Variants in SLC39A11 observed in about 807,000 individuals in gnomAD.
SLC39A11 encodes the protein solute carrier family 39 member 11, also known as zinc transporter ZIP11.
SLC39A11 carries 33 observed loss-of-function variants against 36.1 expected under a neutral mutation model. The ratio of observed to expected loss-of-function variants is 0.91; its 90% CI spans 0.69 to 1.22. The LOEUF is 1.22. Among genes scored for constraint, SLC39A11 ranks in the 50% most tolerant of loss-of-function variants. The pLI is 0.00. For synonymous variants in SLC39A11, 166 were observed against 170.3 expected (o/e 0.97, Z 0.20); for missense variants, 432 against 430.3 (o/e 1.00, Z -0.03).
chr17:72,676,115 A>C (rs1336955729), intron 7 of SLC39A11, among the ~76,000 whole-genome samples: 1 of 149,940 alleles, frequency 6.7e-6, no homozygotes, highest in Non-Finnish European at 1.5e-5. Flanking sequence ...TGCTGTATTA[A>C]AGCAACTCTC....
chr17:72,836,614 T>A (rs1166084516), intron 6 of SLC39A11, among the ~76,000 whole-genome samples: 2 of 152,194 alleles, frequency 1.3e-5, no homozygotes, highest in African/African-American at 2.4e-5. Context: ...GTGCTGAAAT[T>A]ACAGGTGTGA....
intron 3 of SLC39A11, among the ~76,000 whole-genome samples, chr17:73,052,981 A>C (rs1383722541): frequency 6.6e-6 from 1 of 152,228 alleles, no homozygotes; most frequent in African/African-American, 2.4e-5. Context: ...GATTATAGGC[A>C]TGAGCCACTG....
At chr17:73,053,742 C>T (rs1034825923) in intron 3 of SLC39A11, among the ~76,000 whole-genome samples, 24 of 152,176 alleles carry the variant, frequency 1.6e-4, no homozygotes, top group Admixed American at 4.6e-4. Context: ...GGCTCCAGCC[C>T]ATGGTGCCGA....
chr17:73,051,379 A>C (rs2059493002), intron 3 of SLC39A11, among the ~76,000 whole-genome samples: 1 of 152,166 alleles, frequency 6.6e-6, no homozygotes, highest in African/African-American at 2.4e-5. Flanking sequence ...TCACATTCAC[A>C]GGTTCTGTGC....
chr17:72,999,394 A>G (rs894667919), intron 4 of SLC39A11, among the ~76,000 whole-genome samples: 1 of 152,224 alleles, frequency 6.6e-6, no homozygotes, highest in Non-Finnish European at 1.5e-5. Context: ...CTGGGCTCAA[A>G]GAGGCCCTTT....
At chr17:73,035,885 AAAG>A (rs2058896395) in intron 3 of SLC39A11, among the ~76,000 whole-genome samples, 1 of 150,754 alleles carries the variant, frequency 6.6e-6, no homozygotes, top group African/African-American at 2.4e-5. Context: ...AAAAAAAAAA[AAAG>A]AAGGGTCAGA....
At chr17:72,703,852 G>A (rs1166738852) in intron 7 of SLC39A11, among the ~76,000 whole-genome samples, 6 of 152,234 alleles carry the variant, frequency 3.9e-5, no homozygotes, top group Non-Finnish European at 7.3e-5. Flanking sequence ...TGTTGGCCGG[G>A]GGTGGTGGCT....
intron 7 of SLC39A11, among the ~76,000 whole-genome samples, chr17:72,722,773 T>A (rs149911215): frequency 0.013 from 1,913 of 152,224 alleles, 29 homozygotes; most frequent in African/African-American, 0.043. Flanking sequence ...TAGCTGGGAT[T>A]ACAGGTGCCT....
intron 5 of SLC39A11, among the ~76,000 whole-genome samples, chr17:72,929,811 A>T (rs1469560697): frequency 6.6e-6 from 1 of 152,170 alleles, no homozygotes; most frequent in Non-Finnish European, 1.5e-5. Context: ...AGAACTGCCA[A>T]TTGGTTCTAA....
intron 5 of SLC39A11, among the ~76,000 whole-genome samples, chr17:72,899,930 C>T (rs2082233271): frequency 6.8e-6 from 1 of 147,318 alleles, no homozygotes; most frequent in Non-Finnish European, 1.5e-5. Context: ...CCACTATATT[C>T]CAGCCTGGGT....
chr17:73,010,424 A>G (rs915095666), intron 4 of SLC39A11, among the ~76,000 whole-genome samples: 1 of 152,218 alleles, frequency 6.6e-6, no homozygotes. Flanking sequence ...ATAACCCAGT[A>G]ACTAAACAAA....
chr17:73,052,107 G>A (rs1473362777), intron 3 of SLC39A11, among the ~76,000 whole-genome samples: 1 of 151,754 alleles, frequency 6.6e-6, no homozygotes, highest in Non-Finnish European at 1.5e-5. Flanking sequence ...TCTAATACAA[G>A]GTGCCCCGTT....
At chr17:72,767,858 G>A (rs1327015731) in intron 6 of SLC39A11, among the ~76,000 whole-genome samples, 1 of 147,838 alleles carries the variant, frequency 6.8e-6, no homozygotes, top group Non-Finnish European at 1.5e-5. Flanking sequence ...CAAAGCATTG[G>A]AGTAAGAAAG....
intron 6 of SLC39A11, among the ~76,000 whole-genome samples, chr17:72,843,567 C>G (rs369870191): frequency 6.6e-6 from 1 of 152,138 alleles, no homozygotes; most frequent in African/African-American, 2.4e-5. Context: ...AACGAGAAGA[C>G]AGTCACCTGC....
intron 6 of SLC39A11, among the ~76,000 whole-genome samples, chr17:72,780,143 G>A (rs2076261117): frequency 6.6e-6 from 1 of 152,172 alleles, no homozygotes; most frequent in South Asian, 2.1e-4. Context: ...GGCAGTCTGT[G>A]GACTAAGCAT....
At chr17:73,078,422 G>C (rs1425576999) in intron 3 of SLC39A11, among the ~76,000 whole-genome samples, 4 of 152,008 alleles carry the variant, frequency 2.6e-5, no homozygotes, top group Non-Finnish European at 5.9e-5. Context: ...TAAGGAGGTA[G>C]GTAGGTAGCT....
Position 72,974,522 on chromosome 17 carries a change from C to G in SLC39A11, c.307-26647G>C, listed in dbSNP as rs569823414. Among the ~76,000 whole-genome samples, 3 of 151,644 alleles carry G rather than the reference C, an allele frequency of 2.0e-5. No homozygotes were observed. In the South Asian group the frequency reaches 6.3e-4, roughly 32 times the overall value. On this transcript the variant is annotated intron_variant, in intron 4 of 9. Transcript: ENST00000255559. ...ACAAAGATATCAAACAAGAAAATACCTTTGTACAGCTACAGCTTTACAGTG... is the reference window on the plus strand; with the variant it reads ...ACAAAGATATCAAACAAGAAAATACGTTTGTACAGCTACAGCTTTACAGTG...
chr17:72,800,413 C>A (rs947327538), intron 6 of SLC39A11, among the ~76,000 whole-genome samples: 1 of 149,302 alleles, frequency 6.7e-6, no homozygotes, highest in Non-Finnish European at 1.5e-5. Flanking sequence ...CAGGTTCAAG[C>A]GATTCTCCTG....
chr17:73,035,530 G>T (rs1485917432), intron 3 of SLC39A11, among the ~76,000 whole-genome samples: 1 of 152,144 alleles, frequency 6.6e-6, no homozygotes, highest in Non-Finnish European at 1.5e-5. Context: ...AAGTAAAAAG[G>T]ACTCTGCACA....
Sources: allele counts gnomAD v4.1 joint callset (sites outside exome capture counted in the v4.1 genomes callset), GRCh38; gene constraint gnomAD v4.1.1; transcripts MANE v1.5; gene names NCBI Gene and HGNC (gene_info 2026-07-23, HGNC 2026-07-21).